Variants in NFIB observed in about 807,000 individuals in gnomAD.
NFIB encodes the protein nuclear factor 1 B-type.
Under a neutral mutation model 61.5 loss-of-function variants are expected in NFIB, and 11 were observed. The ratio of observed to expected loss-of-function variants is 0.18; its 90% CI spans 0.11 to 0.30. The LOEUF (loss-of-function observed/expected upper bound fraction) is 0.30, where lower values mean the gene tolerates loss of function less well. NFIB is among the 10% of genes least tolerant of loss of function. The pLI is 1.00. For synonymous variants in NFIB, 260 were observed against 216.5 expected (o/e 1.20, Z -1.76); for missense variants, 471 against 608.9 (o/e 0.77, Z 2.38).
At chr9:14,478,429 A>G in the NFIB span, among the ~76,000 whole-genome samples, 1 of 152,196 alleles carries the variant, frequency 6.6e-6, no homozygotes, top group Non-Finnish European at 1.5e-5. Flanking sequence ...CTTCTGCAAT[A>G]GCTGCATCTC....
the NFIB span, among the ~76,000 whole-genome samples, chr9:14,525,631 T>C: frequency 1.3e-5 from 2 of 152,310 alleles, no homozygotes; most frequent in South Asian, 4.1e-4. Flanking sequence ...AGCTAATGTG[T>C]AACATTAGCC....
chr9:14,507,846 C>T, the NFIB span, among the ~76,000 whole-genome samples: 1 of 151,960 alleles, frequency 6.6e-6, no homozygotes, highest in Non-Finnish European at 1.5e-5. Flanking sequence ...TGTCAGCCTC[C>T]ATCACACAGG....
At chr9:14,211,963 TAC>T (rs1313908169) in intron 2 of NFIB, among the ~76,000 whole-genome samples, 3 of 152,260 alleles carry the variant, frequency 2.0e-5, no homozygotes, top group Non-Finnish European at 2.9e-5. Context: ...CAAAATAATG[TAC>T]CACTGGGTTT....
At chr9:14,170,040 G>C (rs1021888842) in intron 3 of NFIB, among the ~76,000 whole-genome samples, 6 of 152,064 alleles carry the variant, frequency 3.9e-5, no homozygotes, top group Non-Finnish European at 8.8e-5. Flanking sequence ...TATTCTGTTT[G>C]CAATATATTA....
chr9:14,296,754 C>G (rs186976086), intron 2 of NFIB, among the ~76,000 whole-genome samples: 2 of 152,286 alleles, frequency 1.3e-5, no homozygotes, highest in East Asian at 3.9e-4. Context: ...GTAAGTCACA[C>G]AGTTTATGTT....
At chr9:14,169,285 T>C (rs1275824304) in intron 3 of NFIB, among the ~76,000 whole-genome samples, 4 of 152,116 alleles carry the variant, frequency 2.6e-5, no homozygotes, top group African/African-American at 9.7e-5. Context: ...TCCTGCTGAA[T>C]ACTGCAGGAA....
rs370835037 is a variant in NFIB, at chr9:14,199,956, G to A, written c.563-20176C>T. 5.3e-5 allele frequency among the ~76,000 whole-genome samples: 8 copies of A among 152,266 alleles called. No individual in the cohort carries two copies. In the East Asian group the frequency reaches 1.5e-3, roughly 29 times the overall value. On this transcript the variant is annotated intron_variant, in intron 2 of 10. Transcript: ENST00000380953. Reference sequence around the variant, plus strand: ...TTCTGAGTCTTTTACAGCTAAAATAGGGAATCACGCAGGGAGAACAGGAGC... The same window carrying A: ...TTCTGAGTCTTTTACAGCTAAAATAAGGAATCACGCAGGGAGAACAGGAGC...
At chr9:14,350,079 C>A (rs2061087716) in intron 1 of NFIB, among the ~76,000 whole-genome samples, 1 of 152,156 alleles carries the variant, frequency 6.6e-6, no homozygotes, top group Non-Finnish European at 1.5e-5. Context: ...GGTCGTTTGG[C>A]GGCCCCGGGG....
At chr9:14,325,249 A>T (rs1564009793) in intron 1 of NFIB, among the ~76,000 whole-genome samples, 1 of 152,132 alleles carries the variant, frequency 6.6e-6, no homozygotes, top group Non-Finnish European at 1.5e-5. Context: ...CCTCTGGCAC[A>T]TCTAACTGAG....
chr9:14,515,201 G>A, the NFIB span, among the ~76,000 whole-genome samples: 6 of 152,010 alleles, frequency 3.9e-5, no homozygotes, highest in Non-Finnish European at 7.4e-5. Flanking sequence ...GGAAGCTATC[G>A]CTAAGGTAGG....
chr9:14,329,274 T>A (rs759670231), intron 1 of NFIB, among the ~76,000 whole-genome samples: 8 of 152,138 alleles, frequency 5.3e-5, no homozygotes, highest in Non-Finnish European at 1.2e-4. Flanking sequence ...AAACAAGCAC[T>A]CTTTGTATTA....
chr9:14,332,512 G>T (rs2132852319), intron 1 of NFIB, among the ~76,000 whole-genome samples: 1 of 152,204 alleles, frequency 6.6e-6, no homozygotes, highest in South Asian at 2.1e-4. Flanking sequence ...GCAACTGCAT[G>T]TTCATAAATA....
rs115491851 is a variant in NFIB at position 14,191,661 on chromosome 9, T to C, written c.563-11881A>G. Among the ~76,000 whole-genome samples the C allele has an allele frequency of 8.5e-3, 1,288 of 152,244 alleles. 12 individuals are homozygous for C. The highest frequency in any genetic ancestry group is 0.025 in the African/African-American group (1,040 of 41,498). ...ATGAAAAAATCAAGGTTCTGCATAA[T>C]GTCCCATCCATATGCCTTAACCCTG... On this transcript the variant is annotated intron_variant, in intron 2 of 10. Coordinates refer to ENST00000380953, the MANE Select transcript of NFIB (RefSeq NM_001190737.2).
chr9:14,463,553 G>A, the NFIB span, among the ~76,000 whole-genome samples: 1 of 151,922 alleles, frequency 6.6e-6, no homozygotes, highest in Non-Finnish European at 1.5e-5. Flanking sequence ...CCTCCTTGCA[G>A]AGTGGCATCG....
the NFIB span, among the ~76,000 whole-genome samples, chr9:14,441,333 G>A: frequency 1.3e-5 from 2 of 152,128 alleles, no homozygotes; most frequent in Admixed American, 6.5e-5. Context: ...TTTAAAGCAG[G>A]ATTTGGCAAG....
At chr9:14,161,122 A>G (rs1430482824) in intron 3 of NFIB, among the ~76,000 whole-genome samples, 2 of 152,196 alleles carry the variant, frequency 1.3e-5, no homozygotes, top group Non-Finnish European at 2.9e-5. Flanking sequence ...AACTTCAGAT[A>G]CCACAACTAA....
chr9:14,459,016 C>T, the NFIB span, among the ~76,000 whole-genome samples: 1 of 152,146 alleles, frequency 6.6e-6, no homozygotes, highest in Non-Finnish European at 1.5e-5. Context: ...GAAAAAACTA[C>T]TTTAAAGTTC....
intron 2 of NFIB, among the ~76,000 whole-genome samples, chr9:14,205,986 T>G (rs10961422): frequency 0.068 from 10,318 of 152,082 alleles, 473 homozygotes; most frequent in East Asian, 0.14. Flanking sequence ...AGCAGAATAA[T>G]TTCTCAGCAT....
At chr9:14,294,674 A>T (rs778503195) in intron 2 of NFIB, among the ~76,000 whole-genome samples, 13 of 152,218 alleles carry the variant, frequency 8.5e-5, no homozygotes, top group Non-Finnish European at 1.8e-4. Context: ...TGCTTTCCGT[A>T]CACCCTAGTT....
Sources: allele counts gnomAD v4.1 joint callset (sites outside exome capture counted in the v4.1 genomes callset), GRCh38; gene constraint gnomAD v4.1.1; transcripts MANE v1.5; gene names NCBI Gene and HGNC (gene_info 2026-07-23, HGNC 2026-07-21).